Variants in MGLL observed in about 807,000 individuals in gnomAD.
MGLL encodes the protein monoglyceride lipase.
Under a neutral mutation model 29.1 loss-of-function variants are expected in MGLL, and 7 were observed. The observed-to-expected ratio is 0.24, with a 90% CI of 0.14 to 0.45. The LOEUF (loss-of-function observed/expected upper bound fraction) is 0.45, where lower values mean the gene tolerates loss of function less well. Ranked by LOEUF, MGLL falls within the 20% of genes least tolerant of loss-of-function variation. The pLI is 0.99. For missense variants in MGLL, 356 were observed against 413.6 expected (o/e 0.86, Z 1.21); for synonymous variants, 148 against 168.3 (o/e 0.88, Z 0.93).
chr3:127,755,709 G>A (rs2076651958), intron 3 of MGLL, among the ~76,000 whole-genome samples: 1 of 152,180 alleles, frequency 6.6e-6, no homozygotes, highest in African/African-American at 2.4e-5. Flanking sequence ...CGCACCACCT[G>A]TATTATTATT....
intron 2 of MGLL, among the ~76,000 whole-genome samples, chr3:127,808,573 G>T (rs910793602): frequency 1.3e-5 from 2 of 151,828 alleles, no homozygotes; most frequent in African/African-American, 2.4e-5. Context: ...CACCAGGGTG[G>T]AGTCAACACC....
chr3:127,695,967 G>A (rs1205329121), intron 6 of MGLL, among the ~76,000 whole-genome samples: 2 of 152,232 alleles, frequency 1.3e-5, no homozygotes. Context: ...GTTCTGTGCT[G>A]GAAAGCGAGG....
intron 3 of MGLL, among the ~76,000 whole-genome samples, chr3:127,757,143 A>G (rs1374570143): frequency 6.6e-6 from 1 of 152,208 alleles, no homozygotes; most frequent in Non-Finnish European, 1.5e-5. Context: ...AGAAAAGAAC[A>G]TGACTCTCCT....
intron 5 of MGLL, among the ~76,000 whole-genome samples, chr3:127,719,955 T>C (rs532132084): frequency 6.6e-6 from 1 of 152,334 alleles, no homozygotes; most frequent in East Asian, 1.9e-4. Context: ...CCGAGCCCCA[T>C]TTCAGATGGC....
At chr3:127,745,935 T>C (rs2076433335) in intron 3 of MGLL, among the ~76,000 whole-genome samples, 2 of 152,204 alleles carry the variant, frequency 1.3e-5, no homozygotes. Flanking sequence ...AGACTGGCGC[T>C]GGAACTTTAC....
intron 5 of MGLL, among the ~76,000 whole-genome samples, chr3:127,720,206 C>G (rs1342676569): frequency 1.3e-5 from 2 of 152,218 alleles, no homozygotes; most frequent in East Asian, 3.8e-4. Context: ...ACTATCTCAC[C>G]TCTTTCTCCT....
At chr3:127,730,115 A>G (rs1179754119) in intron 3 of MGLL, among the ~76,000 whole-genome samples, 2 of 152,124 alleles carry the variant, frequency 1.3e-5, no homozygotes, top group Non-Finnish European at 2.9e-5. Flanking sequence ...TCTACATTCA[A>G]TTGGTCCCCA....
At chr3:127,734,582 G>A (rs1285212957) in intron 3 of MGLL, among the ~76,000 whole-genome samples, 1 of 152,212 alleles carries the variant, frequency 6.6e-6, no homozygotes, top group Non-Finnish European at 1.5e-5. Context: ...GGGCCCTGCA[G>A]GATTTGCTAG....
intron 7 of MGLL, among the ~76,000 whole-genome samples, chr3:127,694,395 AT>A (rs2075315856): frequency 6.7e-6 from 1 of 149,228 alleles, no homozygotes; most frequent in Non-Finnish European, 1.5e-5. Flanking sequence ...GTGTATATAT[AT>A]GTATGTGTGT....
At chr3:127,705,789 AAAGAAG>A (rs780026554) in intron 6 of MGLL, among the ~76,000 whole-genome samples, 66 of 151,306 alleles carry the variant, frequency 4.4e-4, no homozygotes, top group Non-Finnish European at 7.4e-4. Context: ...AAAAAAAAAA[AAAGAAG>A]AAGAAGAAGA....
At chr3:127,733,779 GT>G (rs1013106020) in intron 3 of MGLL, among the ~76,000 whole-genome samples, 3 of 152,300 alleles carry the variant, frequency 2.0e-5, no homozygotes, top group African/African-American at 4.8e-5. Flanking sequence ...GCCTCCCTGG[GT>G]AGAAAGGACC....
chr3:127,709,745 G>T (rs1437287430), intron 6 of MGLL, among the ~76,000 whole-genome samples: 1 of 152,148 alleles, frequency 6.6e-6, no homozygotes, highest in African/African-American at 2.4e-5. Context: ...GATAATGCTG[G>T]TGTCTTCTGG....
At chr3:127,750,992 G>A (rs778957517) in intron 3 of MGLL, among the ~76,000 whole-genome samples, 12 of 152,162 alleles carry the variant, frequency 7.9e-5, no homozygotes, top group Non-Finnish European at 1.2e-4. Flanking sequence ...GTGTGTGGAG[G>A]GACCAGAGGT....
rs1189892175 is a variant in MGLL, at chr3:127,706,688, C to T, written c.600+3888G>A. 2.0e-5 allele frequency among the ~76,000 whole-genome samples: 3 copies of T among 152,274 alleles called. No individual in the cohort carries two copies. In the East Asian group the frequency reaches 5.8e-4, roughly 29 times the overall value. On this transcript the variant is annotated intron_variant, in intron 6 of 7. Coordinates refer to ENST00000265052, the MANE Select transcript of MGLL (RefSeq NM_007283.7). Reference sequence around the variant, plus strand: ...GCAAATACTGGTAATAAGACTGTCTCAAATAGACAAGTATATGCTGTGGGG... The same window carrying T: ...GCAAATACTGGTAATAAGACTGTCTTAAATAGACAAGTATATGCTGTGGGG...
intron 3 of MGLL, among the ~76,000 whole-genome samples, chr3:127,731,877 A>G (rs1210488144): frequency 6.6e-6 from 1 of 152,226 alleles, no homozygotes; most frequent in Non-Finnish European, 1.5e-5. Flanking sequence ...TACCATATCC[A>G]ATTAAAACAG....
At chr3:127,729,088 G>A (rs1391673234) in intron 3 of MGLL, among the ~76,000 whole-genome samples, 1 of 151,900 alleles carries the variant, frequency 6.6e-6, no homozygotes, top group Non-Finnish European at 1.5e-5. Context: ...TTTTGACTTT[G>A]TTTACATTGT....
chr3:127,693,751 G>C (rs542502458), intron 7 of MGLL, among the ~76,000 whole-genome samples: 5 of 152,336 alleles, frequency 3.3e-5, no homozygotes, highest in East Asian at 3.9e-4. Context: ...CAGGTTCCGG[G>C]GGGGCAGGGC....
chr3:127,719,039 A>AG (rs1356329643), intron 5 of MGLL, among the ~76,000 whole-genome samples: 1 of 152,194 alleles, frequency 6.6e-6, no homozygotes, highest in Non-Finnish European at 1.5e-5. Flanking sequence ...GTCTGGGGCA[A>AG]AGGGAAACCT....
chr3:127,802,892 C>T (rs780059690), intron 2 of MGLL, among the ~76,000 whole-genome samples: 3 of 152,168 alleles, frequency 2.0e-5, no homozygotes, highest in Non-Finnish European at 4.4e-5. Flanking sequence ...TCCCAAGATT[C>T]TGGAAAAGGA....
Sources: gnomAD v4.1 joint callset for allele counts (sites outside exome capture counted in the v4.1 genomes callset) on GRCh38, gnomAD v4.1.1 for gene constraint, MANE v1.5 for transcripts, NCBI Gene and HGNC (gene_info 2026-07-23, HGNC 2026-07-21) for gene names.